ELFN2: variants seen among roughly 807,000 people sequenced by gnomAD.
ELFN2 encodes protein phosphatase 1 regulatory subunit 29.
A neutral mutation model predicts 45.5 loss-of-function variants in ELFN2; 17 were observed. The observed-to-expected ratio is 0.37, with a 90% CI of 0.26 to 0.56. ELFN2 has a LOEUF of 0.56. Among genes scored for constraint, ELFN2 ranks in the 20% least tolerant of loss-of-function variants. The probability of loss-of-function intolerance (pLI) is 0.77; values close to 1 mark genes in which losing one functional copy is unlikely to be tolerated. For synonymous variants in ELFN2, 550 were observed against 551.5 expected (o/e 1.00, Z 0.04); for missense variants, 922 against 1,183.2 (o/e 0.78, Z 3.24).
downstream of ELFN2, among the ~76,000 whole-genome samples, chr22:37,365,942 TTGAGCACTTACGAATAAAC>T (rs368238936): frequency 0.011 from 1,634 of 152,328 alleles, 27 homozygotes; most frequent in African/African-American, 0.038. Context: ...GCGAATGTCC[TTGAGCACTTACGAATAAAC>T]TGATTATTTG....
At chr22:37,379,029 A>T (rs1275550821) in intron 2 of ELFN2, among the ~76,000 whole-genome samples, 1 of 152,218 alleles carries the variant, frequency 6.6e-6, no homozygotes, top group East Asian at 1.9e-4. Context: ...GCAGCACCCC[A>T]CATACCCAGG....
chr22:37,407,003 G>C (rs993660494), intron 2 of ELFN2, among the ~76,000 whole-genome samples: 4 of 152,256 alleles, frequency 2.6e-5, no homozygotes, highest in Non-Finnish European at 5.9e-5. Context: ...GCCCCAGTAG[G>C]CATGCAGCCC....
At chr22:37,405,379 C>A (rs111480003) in intron 2 of ELFN2, among the ~76,000 whole-genome samples, 5 of 152,058 alleles carry the variant, frequency 3.3e-5, no homozygotes, top group African/African-American at 1.2e-4. Context: ...AGGCATGAGC[C>A]ACCATGCCTG....
At chr22:37,406,740 T>C (rs2145677397) in intron 2 of ELFN2, among the ~76,000 whole-genome samples, 1 of 152,312 alleles carries the variant, frequency 6.6e-6, no homozygotes, top group East Asian at 1.9e-4. Context: ...GGGAAGCTGG[T>C]CCCTGGGAAT....
intron 2 of ELFN2, among the ~76,000 whole-genome samples, chr22:37,394,029 C>T (rs182890713): frequency 2.1e-4 from 32 of 152,304 alleles, no homozygotes; most frequent in African/African-American, 4.1e-4. Flanking sequence ...CACCAGGCTG[C>T]GACTGATGTC....
chr22:37,413,915 G>A (rs151095046), intron 2 of ELFN2, among the ~76,000 whole-genome samples: 176 of 152,308 alleles, frequency 1.2e-3, no homozygotes, highest in Middle Eastern at 3.4e-3. Context: ...CAGCAAGGTG[G>A]TATACAGCAG....
In ELFN2 at chr22:37,350,681, C is replaced by T. The variant is rs150570519; in HGVS notation, n.149-7978G>A. Among the ~76,000 whole-genome samples, 390 of 150,794 alleles carry T rather than the reference C, an allele frequency of 2.6e-3. 6 individuals are homozygous for T. Among genetic ancestry groups the T allele is most frequent in the African/African-American group, 8.7e-3 (361 of 41,438 alleles). On this transcript the variant is annotated intron_variant and non_coding_transcript_variant, in intron 1 of 2. Coordinates refer to ENST00000452946, the Ensembl canonical transcript of ELFN2. ...AGCGCTGATTACTCCCATCAGCACC[C>T]CAGGGTGGGGGCGGCAGCTCTGGCA...
chr22:37,358,964 G>A (rs1931015173), intron 1 of ELFN2, among the ~76,000 whole-genome samples: 1 of 152,166 alleles, frequency 6.6e-6, no homozygotes, highest in Admixed American at 6.5e-5. Flanking sequence ...TACATAGGAA[G>A]CAGGAGGACT....
intron 1 of ELFN2, among the ~76,000 whole-genome samples, chr22:37,357,058 C>A (rs1416206392): frequency 6.6e-6 from 1 of 152,184 alleles, no homozygotes; most frequent in African/African-American, 2.4e-5. Flanking sequence ...TGGTTTTGGT[C>A]ACGCAGACCC....
chr22:37,426,445 GT>G (rs1178628171), intron 1 of ELFN2, among the ~76,000 whole-genome samples: 1 of 151,918 alleles, frequency 6.6e-6, no homozygotes, highest in East Asian at 1.9e-4. Context: ...GTGTGCGCTT[GT>G]GTGTATACAG....
chr22:37,412,117 G>A (rs1227518873), intron 2 of ELFN2, among the ~76,000 whole-genome samples: 2 of 151,960 alleles, frequency 1.3e-5, no homozygotes, highest in East Asian at 1.9e-4. Flanking sequence ...GGCCGAGGCA[G>A]GTGTATCACT....
At chr22:37,398,499 C>G (rs1391964623) in intron 2 of ELFN2, among the ~76,000 whole-genome samples, 1 of 151,862 alleles carries the variant, frequency 6.6e-6, no homozygotes, top group South Asian at 2.1e-4. Flanking sequence ...CCCAGTAAAG[C>G]CCCCCAGCAC....
intron 1 of ELFN2, among the ~76,000 whole-genome samples, chr22:37,425,315 G>A (rs760496151): frequency 1.2e-4 from 18 of 152,148 alleles, no homozygotes; most frequent in Non-Finnish European, 2.1e-4. Flanking sequence ...AACCTCCTTC[G>A]GGGGTTCCAG....
At chr22:37,348,330 A>G (rs1304656240) in intron 1 of ELFN2, among the ~76,000 whole-genome samples, 1 of 152,220 alleles carries the variant, frequency 6.6e-6, no homozygotes, top group African/African-American at 2.4e-5. Context: ...TCCTTCTCAC[A>G]GAAGTCTTAG....
intron 1 of ELFN2, among the ~76,000 whole-genome samples, chr22:37,344,395 A>C (rs1339370925): frequency 1.3e-5 from 2 of 151,686 alleles, no homozygotes; most frequent in Admixed American, 1.3e-4. Flanking sequence ...AGGAGCCCTG[A>C]CCCCATCCCA....
At chr22:37,382,541 CTT>C (rs1241322092) in intron 2 of ELFN2, among the ~76,000 whole-genome samples, 9 of 90,908 alleles carry the variant, frequency 9.9e-5, no homozygotes, top group East Asian at 2.9e-4. Context: ...CCACGCTGGC[CTT>C]TTTTTTTTTT....
At position 37,374,817 on chromosome 22, in the gene ELFN2, C is replaced by T. The variant is rs762167710; in HGVS notation, c.718G>A (p.Val240Ile). Residue 240 changes from valine to isoleucine, a missense_variant, in exon 3 of 3, where the codon GTA becomes ATA. Val to Ile is a conservative substitution (Grantham distance 29, BLOSUM62 3). This residue lies in a region of ELFN2 where 358 missense variants were observed against 540.4 expected (regional missense o/e 0.66). Transcript: ENST00000402918. Reference protein sequence around the residue: ...RPYHSLNAITVLQAKCRNGSL... With the variant: ...RPYHSLNAITILQAKCRNGSL... The stretch of plus-strand genomic sequence containing the variant: ...CCATTCCGACACTTGGCCTGGAGTA[C>T]GGTGATGGCGTTGAGGCTGTGGTAG... The T allele has an allele frequency of 1.1e-5, 18 of 1,607,028 alleles. No homozygotes were observed. Among genetic ancestry groups the T allele is most frequent in the Middle Eastern group, 1.6e-4 (1 of 6,084 alleles).
At chr22:37,415,912 G>A (rs1227713649) in intron 2 of ELFN2, among the ~76,000 whole-genome samples, 1 of 152,224 alleles carries the variant, frequency 6.6e-6, no homozygotes, top group African/African-American at 2.4e-5. Flanking sequence ...GCAGTGAGCA[G>A]AGATAGTGCC....
At chr22:37,356,610 C>T (rs1374832762) in intron 1 of ELFN2, among the ~76,000 whole-genome samples, 7 of 152,154 alleles carry the variant, frequency 4.6e-5, no homozygotes, top group African/African-American at 1.2e-4. Flanking sequence ...ACCTCAGGTA[C>T]GTCAGCTAAA....
Sources: allele counts gnomAD v4.1 joint callset (sites outside exome capture counted in the v4.1 genomes callset), GRCh38; gene constraint gnomAD v4.1.1; regional missense constraint gnomAD v4.1.1; transcripts MANE v1.5; gene names NCBI Gene and HGNC (gene_info 2026-07-23, HGNC 2026-07-21).